Variants in SH2B2 observed in about 807,000 individuals in gnomAD.
SH2B2 encodes the protein SH2B adaptor protein 2.
In SH2B2, 37 loss-of-function variants were observed where a neutral mutation model predicts 35.7. The ratio of observed to expected loss-of-function variants is 1.04; its 90% CI spans 0.80 to 1.36. SH2B2 has a LOEUF of 1.36. Among genes scored for constraint, SH2B2 ranks in the 40% most tolerant of loss-of-function variants. The probability of loss-of-function intolerance (pLI) is 0.00; values close to 1 mark genes in which losing one functional copy is unlikely to be tolerated. For synonymous variants in SH2B2, 383 were observed against 376.4 expected (o/e 1.02, Z -0.20); for missense variants, 852 against 817.7 (o/e 1.04, Z -0.51).
chr7:102,286,084 T>C (rs1792434648), upstream of SH2B2, among the ~76,000 whole-genome samples: 1 of 152,148 alleles, frequency 6.6e-6, no homozygotes, highest in Admixed American at 6.5e-5. Context: ...AGCAGGCGAG[T>C]TCTGGAGCCA....
upstream of SH2B2, chr7:102,285,161 G>A (rs1210870517): frequency 1.5e-5 from 24 of 1,549,788 alleles, no homozygotes; most frequent in Non-Finnish European, 2.0e-5. Context: ...CCCTGGGGAT[G>A]GATCCAAGCT....
intron 7 of SH2B2, among the ~76,000 whole-genome samples, chr7:102,318,430 C>T (rs965462673): frequency 4.6e-5 from 7 of 152,358 alleles, no homozygotes; most frequent in East Asian, 1.9e-4. Context: ...TGAGCCCCCA[C>T]GCCCGGCCTA....
intron 2 of SH2B2, among the ~76,000 whole-genome samples, chr7:102,301,567 TGTGTGTGTGTGTGTGCGC>T (rs1793196714): frequency 7.0e-6 from 1 of 143,878 alleles, no homozygotes; most frequent in African/African-American, 2.9e-5. Context: ...TCCGTGTGTG[TGTGTGTGTGTGTGTGCGC>T]GCGCGTGTGT....
At chr7:102,289,255 G>A (rs1458687779) in intron 1 of SH2B2, among the ~76,000 whole-genome samples, 1 of 152,146 alleles carries the variant, frequency 6.6e-6, no homozygotes, top group Non-Finnish European at 1.5e-5. Context: ...CGCCCACCTG[G>A]GGGGTGGGGA....
chr7:102,304,349 G>A (rs553642616), intron 2 of SH2B2, among the ~76,000 whole-genome samples: 11 of 152,138 alleles, frequency 7.2e-5, no homozygotes, highest in Non-Finnish European at 1.5e-4. Flanking sequence ...CTGAACCCCA[G>A]GTCCCCTCAT....
intron 2 of SH2B2, among the ~76,000 whole-genome samples, chr7:102,304,923 A>T (rs1456048184): frequency 1.3e-5 from 2 of 152,196 alleles, no homozygotes; most frequent in Non-Finnish European, 2.9e-5. Flanking sequence ...ATTTCCTCCT[A>T]AGAAAGTTCC....
At chr7:102,302,692 G>A (rs1302326039) in intron 2 of SH2B2, among the ~76,000 whole-genome samples, 2 of 152,260 alleles carry the variant, frequency 1.3e-5, no homozygotes, top group Non-Finnish European at 2.9e-5. Flanking sequence ...ACAGAAGAGA[G>A]CGCAGACAGA....
chr7:102,290,353 CT>C (rs1792630361), intron 1 of SH2B2, among the ~76,000 whole-genome samples: 1 of 28,848 alleles, frequency 3.5e-5, no homozygotes, highest in Non-Finnish European at 7.7e-5. Flanking sequence ...CCTCCACCAC[CT>C]CTGGGGTTCA....
At chr7:102,318,320 G>T (rs1454876475) in intron 7 of SH2B2, among the ~76,000 whole-genome samples, 1 of 152,072 alleles carries the variant, frequency 6.6e-6, no homozygotes, top group African/African-American at 2.4e-5. Flanking sequence ...TGTATTTTTA[G>T]TAGAGACAGG....
intron 1 of SH2B2, 107 bp downstream of exon 1, chr7:102,287,201 G>T (rs1198019584): frequency 6.6e-6 from 1 of 152,092 alleles, no homozygotes; most frequent in Non-Finnish European, 1.5e-5. Flanking sequence ...GAAGGAGAGC[G>T]GCCGCACGCG....
intron 2 of SH2B2, among the ~76,000 whole-genome samples, chr7:102,306,263 T>A (rs1212886985): frequency 6.6e-6 from 1 of 152,112 alleles, no homozygotes; most frequent in African/African-American, 2.4e-5. Context: ...ATTTTGTATA[T>A]TTTTTAGTAG....
chr7:102,312,156 G>A (rs543131074), intron 4 of SH2B2, among the ~76,000 whole-genome samples: 40 of 151,546 alleles, frequency 2.6e-4, no homozygotes, highest in African/African-American at 7.0e-4. Flanking sequence ...GGCGGATCAC[G>A]AGGTCAGGAG....
intron 6 of SH2B2, among the ~76,000 whole-genome samples, chr7:102,315,251 TCCCA>T (rs1793780116): frequency 2.6e-5 from 4 of 151,952 alleles, no homozygotes; most frequent in African/African-American, 9.7e-5. Flanking sequence ...ACACCTGTAA[TCCCA>T]GCCAGTGTTT....
rs1554553495 is a variant in SH2B2, at chr7:102,300,748, C to T, written c.198C>T (p.Ala66=). The change falls in exon 2 of 9, where the codon GCC becomes GCT. Residue 66 remains alanine (A), a synonymous_variant. Coordinates refer to ENST00000444095, the MANE Select transcript of SH2B2 (RefSeq NM_001359228.2). ...DAGASFSRHF[A]ANFLDVFGEE... is the part of the protein sequence containing the mutation. Reference sequence around the variant, plus strand: ...GCGCCTCCTTCTCCCGCCACTTCGCCGCCAACTTCCTGGACGTCTTCGGCG... The same window carrying T: ...GCGCCTCCTTCTCCCGCCACTTCGCTGCCAACTTCCTGGACGTCTTCGGCG... 2 of 1,540,182 alleles carry T rather than the reference C, an allele frequency of 1.3e-6. No individual in the cohort carries two copies. The highest frequency in any genetic ancestry group is 2.4e-5 in the South Asian group (2 of 83,562).
At chr7:102,295,654 G>A (rs188141336) in intron 1 of SH2B2, among the ~76,000 whole-genome samples, 96 of 152,362 alleles carry the variant, frequency 6.3e-4, no homozygotes, top group Admixed American at 2.0e-3. Flanking sequence ...AAGAGAGACA[G>A]GCAGGAGGAG....
intron 4 of SH2B2, chr7:102,309,290 A>G (rs570590508): frequency 2.6e-6 from 1 of 384,370 alleles, no homozygotes; most frequent in East Asian, 7.1e-5. Context: ...AGCTGGGAGG[A>G]CCGCTTGAGC....
chr7:102,299,362 CTA>C (rs1793058935), intron 1 of SH2B2, among the ~76,000 whole-genome samples: 1 of 150,366 alleles, frequency 6.7e-6, no homozygotes, highest in Non-Finnish European at 1.5e-5. Context: ...CCATGCCCAG[CTA>C]ATTTTTGTAT....
chr7:102,307,771 T>G (rs1793460069), intron 3 of SH2B2, among the ~76,000 whole-genome samples: 1 of 151,604 alleles, frequency 6.6e-6, no homozygotes, highest in Non-Finnish European at 1.5e-5. Flanking sequence ...TTTTTTTGTT[T>G]TTTTTTTTTC....
At chr7:102,308,791 A>C (rs1202289047) in intron 3 of SH2B2, 24 bp from the exon 4 acceptor site, 1 of 1,590,570 alleles carries the variant, frequency 6.3e-7, no homozygotes, top group Non-Finnish European at 8.6e-7. Context: ...CGTGTTCTGC[A>C]CTCCCGGCCA....
Sources: gnomAD v4.1 joint callset for allele counts (sites outside exome capture counted in the v4.1 genomes callset) on GRCh38, gnomAD v4.1.1 for gene constraint, MANE v1.5 for transcripts, NCBI Gene and HGNC (gene_info 2026-07-23, HGNC 2026-07-21) for gene names.